The following GPHN variants were observed in gnomAD, a reference collection of about 807,000 sequenced individuals.
The protein encoded by GPHN is gephyrin.
Under a neutral mutation model 95.5 loss-of-function variants are expected in GPHN, and 17 were observed. That is an observed-to-expected ratio of 0.18 (90% CI 0.12 to 0.27). The LOEUF (loss-of-function observed/expected upper bound fraction) is 0.27, where lower values mean the gene tolerates loss of function less well. Among genes scored for constraint, GPHN ranks in the 10% least tolerant of loss-of-function variants. The pLI is 1.00. For missense variants in GPHN, 660 were observed against 978.1 expected (o/e 0.67, Z 4.34); for synonymous variants, 320 against 322.5 (o/e 0.99, Z 0.08).
At chr14:67,097,410 A>C (rs2077454866) in intron 12 of GPHN, among the ~76,000 whole-genome samples, 1 of 152,196 alleles carries the variant, frequency 6.6e-6, no homozygotes, top group Non-Finnish European at 1.5e-5. Context: ...GCTAGAGTAT[A>C]AGATATAAGG....
At chr14:67,608,775 A>G in the GPHN span, among the ~76,000 whole-genome samples, 1 of 152,208 alleles carries the variant, frequency 6.6e-6, no homozygotes, top group Non-Finnish European at 1.5e-5. Flanking sequence ...CAGATGACAT[A>G]TTCTTGTTGT....
intron 8 of GPHN, among the ~76,000 whole-genome samples, chr14:66,953,941 A>C (rs2068297777): frequency 6.6e-6 from 1 of 152,070 alleles, no homozygotes; most frequent in African/African-American, 2.4e-5. Flanking sequence ...AGGCTGAGAC[A>C]GGAGAATCAC....
At chr14:66,715,453 A>AT (rs1323279636) in intron 2 of GPHN, among the ~76,000 whole-genome samples, 5 of 151,496 alleles carry the variant, frequency 3.3e-5, no homozygotes, top group East Asian at 3.9e-4. Flanking sequence ...TATCTTTTGT[A>AT]TTTTTTTGTT....
At chr14:67,569,049 C>A in the GPHN span, 11 of 900,028 alleles carry the variant, frequency 1.2e-5, 1 homozygote, top group South Asian at 1.6e-4. Context: ...CTGCCCACCC[C>A]CAAAGCCATG....
intron 18 of GPHN, among the ~76,000 whole-genome samples, chr14:67,154,215 C>T (rs1369783198): frequency 6.6e-6 from 1 of 152,048 alleles, no homozygotes; most frequent in Non-Finnish European, 1.5e-5. Context: ...TTTGTATGTC[C>T]CTTCTCTGGA....
chr14:67,400,515 C>T, the GPHN span, among the ~76,000 whole-genome samples: 1 of 152,200 alleles, frequency 6.6e-6, no homozygotes, highest in Non-Finnish European at 1.5e-5. Context: ...TATGACCACC[C>T]CCCGCCCCAA....
At chr14:66,936,274 G>A (rs2067130210) in intron 8 of GPHN, among the ~76,000 whole-genome samples, 2 of 152,102 alleles carry the variant, frequency 1.3e-5, no homozygotes, top group Non-Finnish European at 2.9e-5. Context: ...AGCTACTCGG[G>A]AGGCTGAGGC....
At chr14:67,574,644 G>A in the GPHN span, among the ~76,000 whole-genome samples, 1 of 152,146 alleles carries the variant, frequency 6.6e-6, no homozygotes, top group Non-Finnish European at 1.5e-5. This position sits in a 1 kb window ranked among gnomAD's most constrained non-coding sequence, Gnocchi z 4.2. Flanking sequence ...AGAAGGGAAG[G>A]GACTATCTTG....
intron 2 of GPHN, among the ~76,000 whole-genome samples, chr14:66,682,162 G>A (rs1358530494): frequency 6.6e-6 from 1 of 152,156 alleles, no homozygotes; most frequent in African/African-American, 2.4e-5. Flanking sequence ...ATGATGTCGT[G>A]AGTTCAGAAT....
intron 8 of GPHN, among the ~76,000 whole-genome samples, chr14:66,947,686 A>G (rs933289296): frequency 2.0e-5 from 3 of 152,324 alleles, no homozygotes; most frequent in Non-Finnish European, 4.4e-5. Flanking sequence ...GGCCAGGCAC[A>G]GTGGCTTACA....
intron 9 of GPHN, among the ~76,000 whole-genome samples, chr14:66,999,135 TAAG>T (rs2072038980): frequency 6.6e-6 from 1 of 151,930 alleles, no homozygotes; most frequent in Non-Finnish European, 1.5e-5. Flanking sequence ...TTTCTCCTGT[TAAG>T]AAGTTGTTAA....
intron 3 of GPHN, among the ~76,000 whole-genome samples, chr14:66,814,269 A>T (rs112268330): frequency 1.3e-5 from 2 of 152,154 alleles, no homozygotes; most frequent in East Asian, 3.9e-4. Context: ...ACCCAGATCT[A>T]TGATGGTCAG....
chr14:67,380,830 A>C, the GPHN span: 1 of 825,932 alleles, frequency 1.2e-6, no homozygotes, highest in South Asian at 2.8e-5. Flanking sequence ...TTAAATAATG[A>C]GACTTACCAA....
chr14:67,670,285 A>G, the GPHN span, among the ~76,000 whole-genome samples: 1 of 151,980 alleles, frequency 6.6e-6, no homozygotes, highest in East Asian at 1.9e-4. Context: ...AAATGTCTCA[A>G]TGTGACACTG....
chr14:67,532,143 T>C, the GPHN span, among the ~76,000 whole-genome samples: 1 of 152,192 alleles, frequency 6.6e-6, no homozygotes, highest in African/African-American at 2.4e-5. Context: ...TTTGGCCTCC[T>C]GCACTACCAG....
intron 1 of GPHN, among the ~76,000 whole-genome samples, chr14:66,602,506 C>T (rs2062301641): frequency 6.6e-6 from 1 of 151,992 alleles, no homozygotes; most frequent in Non-Finnish European, 1.5e-5. Context: ...AGCACCAGTG[C>T]TTTGACACAT....
the GPHN span, chr14:67,317,544 T>C: frequency 7.4e-6 from 8 of 1,077,898 alleles, no homozygotes; most frequent in East Asian, 2.0e-4. Context: ...AGTCCTGTTT[T>C]GCACCTTAAT....
At chr14:66,836,199 A>G (rs1178583819) in intron 4 of GPHN, among the ~76,000 whole-genome samples, 1 of 130,706 alleles carries the variant, frequency 7.7e-6, no homozygotes, top group East Asian at 2.3e-4. Flanking sequence ...ACTATACTAC[A>G]AGGCTACAAT....
intron 18 of GPHN, among the ~76,000 whole-genome samples, chr14:67,157,574 A>C (rs1192965255): frequency 1.7e-4 from 26 of 152,198 alleles, no homozygotes; most frequent in Admixed American, 1.7e-3. Context: ...CTGTAATTCC[A>C]ACACTTTGGG....
Sources: gnomAD v4.1 joint callset for allele counts (sites outside exome capture counted in the v4.1 genomes callset) on GRCh38, gnomAD v4.1.1 for gene constraint, Gnocchi (gnomAD v3.1) non-coding constraint, MANE v1.5 for transcripts, NCBI Gene and HGNC (gene_info 2026-07-23, HGNC 2026-07-21) for gene names.